Variants in REDIC1 observed in about 807,000 individuals in gnomAD.
REDIC1 encodes the protein HEI10 Interacting Protein 1.
At chr12:39,721,482 T>G in the REDIC1 span, 1 of 415,688 alleles carries the variant, frequency 2.4e-6, no homozygotes, top group Non-Finnish European at 4.3e-6. Flanking sequence ...ATGGTAGAGT[T>G]TTTAGAAAAT....
the REDIC1 span, among the ~76,000 whole-genome samples, chr12:39,772,133 CCTT>C: frequency 2.6e-5 from 4 of 152,226 alleles, no homozygotes; most frequent in Admixed American, 6.5e-5. Context: ...TTAATATACT[CCTT>C]CTTCTACGGT....
the REDIC1 span, among the ~76,000 whole-genome samples, chr12:39,804,576 G>A: frequency 1.3e-5 from 2 of 152,110 alleles, no homozygotes; most frequent in East Asian, 1.9e-4. Context: ...ATATTAATAT[G>A]GCATAAAGGA....
the REDIC1 span, among the ~76,000 whole-genome samples, chr12:39,647,398 A>C: frequency 6.6e-6 from 1 of 152,090 alleles, no homozygotes; most frequent in Non-Finnish European, 1.5e-5. Context: ...ATTGTTAGCT[A>C]TCATTTTTTT....
the REDIC1 span, among the ~76,000 whole-genome samples, chr12:39,720,293 A>G: frequency 1.9e-4 from 29 of 152,000 alleles, no homozygotes; most frequent in South Asian, 1.0e-3. Flanking sequence ...ATATATATAT[A>G]TTTCATTGGA....
At chr12:39,855,207 T>C in the REDIC1 span, among the ~76,000 whole-genome samples, 1 of 152,220 alleles carries the variant, frequency 6.6e-6, no homozygotes, top group East Asian at 1.9e-4. Flanking sequence ...AGTACATACA[T>C]TACTATTTAA....
the REDIC1 span, chr12:39,758,641 A>T: frequency 6.6e-6 from 1 of 152,168 alleles, no homozygotes; most frequent in South Asian, 2.1e-4. Flanking sequence ...AATACCTTGG[A>T]AAGACATTGT....
At chr12:39,809,777 G>A in the REDIC1 span, among the ~76,000 whole-genome samples, 1 of 152,020 alleles carries the variant, frequency 6.6e-6, no homozygotes, top group Non-Finnish European at 1.5e-5. Flanking sequence ...TTGTCCTTGC[G>A]ATAGTTTGCT....
At chr12:39,782,746 C>T in the REDIC1 span, among the ~76,000 whole-genome samples, 1 of 152,090 alleles carries the variant, frequency 6.6e-6, no homozygotes, top group Admixed American at 6.5e-5. Context: ...ATCCTAAAGA[C>T]ATGTTGAATG....
chr12:39,649,554 C>T, the REDIC1 span, among the ~76,000 whole-genome samples: 1 of 147,112 alleles, frequency 6.8e-6, no homozygotes, highest in African/African-American at 2.5e-5. Context: ...TCCCCAAAGA[C>T]TTTCAGTGTC....
chr12:39,773,955 G>T, the REDIC1 span, among the ~76,000 whole-genome samples: 1 of 152,180 alleles, frequency 6.6e-6, no homozygotes, highest in Non-Finnish European at 1.5e-5. Context: ...AGGAGTGTCA[G>T]TGAAGCACGA....
At chr12:39,762,700 C>T in the REDIC1 span, among the ~76,000 whole-genome samples, 2 of 151,890 alleles carry the variant, frequency 1.3e-5, no homozygotes, top group Non-Finnish European at 2.9e-5. Context: ...AATATAAATG[C>T]ATAGCTTACA....
the REDIC1 span, among the ~76,000 whole-genome samples, chr12:39,833,892 TAAAA>T: frequency 1.2e-4 from 11 of 88,400 alleles, no homozygotes; most frequent in Admixed American, 9.4e-4. Context: ...AGCATGGTCA[TAAAA>T]AAAAAAAAAA....
the REDIC1 span, among the ~76,000 whole-genome samples, chr12:39,720,439 G>T: frequency 6.6e-6 from 1 of 152,038 alleles, no homozygotes; most frequent in Non-Finnish European, 1.5e-5. Context: ...GAAGTATGCT[G>T]CATATCATTT....
chr12:39,882,848 C>G, the REDIC1 span, among the ~76,000 whole-genome samples: 16 of 152,208 alleles, frequency 1.1e-4, no homozygotes, highest in Non-Finnish European at 1.9e-4. Context: ...TAGTAACACA[C>G]ACCACTTTGT....
the REDIC1 span, among the ~76,000 whole-genome samples, chr12:39,727,332 G>C: frequency 1.3e-5 from 2 of 152,024 alleles, no homozygotes; most frequent in Non-Finnish European, 2.9e-5. Context: ...TTTATATAAG[G>C]TGTAAGGAAG....
At chr12:39,791,267 A>T in the REDIC1 span, among the ~76,000 whole-genome samples, 2 of 135,086 alleles carry the variant, frequency 1.5e-5, no homozygotes. Context: ...AGCCAATATC[A>T]TACTGAATGG....
At chr12:39,900,759 C>T in the REDIC1 span, among the ~76,000 whole-genome samples, 21 of 152,276 alleles carry the variant, frequency 1.4e-4, no homozygotes, top group South Asian at 1.5e-3. Flanking sequence ...AATGGCCATA[C>T]TGCCCAAGGT....
the REDIC1 span, among the ~76,000 whole-genome samples, chr12:39,831,080 A>C: frequency 3.0e-4 from 46 of 152,194 alleles, no homozygotes; most frequent in Non-Finnish European, 6.2e-4. Flanking sequence ...AAAATTCTGG[A>C]GCACTTTACA....
chr12:39,714,262 C>G, the REDIC1 span, among the ~76,000 whole-genome samples: 2 of 108,318 alleles, frequency 1.8e-5, 1 homozygote, highest in African/African-American at 6.0e-5. Context: ...TATATGCATG[C>G]ATATATGTAT....
Sources: allele counts gnomAD v4.1 joint callset (sites outside exome capture counted in the v4.1 genomes callset), GRCh38; gene constraint gnomAD v4.1.1; transcripts MANE v1.5; gene names NCBI Gene and HGNC (gene_info 2026-07-23, HGNC 2026-07-21).